CDH13: variants seen among roughly 807,000 people sequenced by gnomAD.
CDH13 encodes the protein cadherin-13.
A neutral mutation model predicts 63.8 loss-of-function variants in CDH13; 24 were observed. The observed-to-expected ratio is 0.38, with a 90% confidence interval of 0.27 to 0.53. CDH13 has a LOEUF of 0.53. CDH13 is among the 20% of genes least tolerant of loss of function. The probability of loss-of-function intolerance (pLI) is 0.85; values close to 1 mark genes in which losing one functional copy is unlikely to be tolerated. For missense variants in CDH13, 1,049 were observed against 903.1 expected (o/e 1.16, Z -2.07); for synonymous variants, 503 against 355.3 (o/e 1.42, Z -4.67).
At chr16:83,229,222 G>A (rs546255237) in intron 5 of CDH13, among the ~76,000 whole-genome samples, 1 of 152,274 alleles carries the variant, frequency 6.6e-6, no homozygotes, top group East Asian at 1.9e-4. Context: ...CATTCAAATT[G>A]TCATGAAATA....
chr16:83,672,456 T>G (rs1914591916), intron 9 of CDH13, among the ~76,000 whole-genome samples: 1 of 129,368 alleles, frequency 7.7e-6, no homozygotes, highest in Non-Finnish European at 1.6e-5. Flanking sequence ...GACAGAGTCT[T>G]GCTCTCTCAC....
chr16:82,750,072 A>G (rs1475459512), intron 1 of CDH13, among the ~76,000 whole-genome samples: 1 of 152,098 alleles, frequency 6.6e-6, no homozygotes, highest in East Asian at 1.9e-4. Context: ...GTTGCACCAA[A>G]AAGAGACTCT....
chr16:82,699,236 G>A (rs2030698421), intron 1 of CDH13, among the ~76,000 whole-genome samples: 1 of 152,096 alleles, frequency 6.6e-6, no homozygotes, highest in African/African-American at 2.4e-5. Flanking sequence ...GCTGTAGTAG[G>A]GCCAGGGAGG....
At chr16:83,709,239 C>T (rs935798221) in intron 10 of CDH13, among the ~76,000 whole-genome samples, 1 of 152,148 alleles carries the variant, frequency 6.6e-6, no homozygotes, top group African/African-American at 2.4e-5. Context: ...GCCCTGCCAA[C>T]ATCTTAATTT....
chr16:83,619,996 G>T (rs536717398), intron 8 of CDH13, among the ~76,000 whole-genome samples: 1 of 152,090 alleles, frequency 6.6e-6, no homozygotes, highest in Non-Finnish European at 1.5e-5. Flanking sequence ...GTCAGGGAGG[G>T]TGTGAGGCTG....
chr16:83,583,636 G>C (rs186433077), intron 7 of CDH13, among the ~76,000 whole-genome samples: 3 of 152,288 alleles, frequency 2.0e-5, no homozygotes, highest in African/African-American at 7.2e-5. Flanking sequence ...AGTGTGATTT[G>C]GTGGCTCACG....
At chr16:82,710,411 A>G (rs972785160) in intron 1 of CDH13, among the ~76,000 whole-genome samples, 16 of 145,784 alleles carry the variant, frequency 1.1e-4, no homozygotes, top group Admixed American at 4.8e-4. Context: ...TGGGTGCTGT[A>G]GTCCCACCTA....
chr16:83,364,412 T>G (rs2091220132), intron 6 of CDH13, among the ~76,000 whole-genome samples: 1 of 152,314 alleles, frequency 6.6e-6, no homozygotes, highest in African/African-American at 2.4e-5. Flanking sequence ...CAGCCTTGCA[T>G]TATCCCGAGA....
chr16:82,686,001 C>G lies in CDH13; in HGVS notation c.45+58864C>G, dbSNP rs2150967795. Among the ~76,000 whole-genome samples the G allele has an allele frequency of 2.0e-5, 3 of 152,222 alleles. No individual in the cohort carries two copies. In the South Asian group the frequency reaches 6.2e-4, roughly 32 times the overall value. On this transcript the variant is annotated intron_variant, in intron 1 of 13. Coordinates refer to ENST00000567109, the MANE Select transcript of CDH13 (RefSeq NM_001257.5). ...CTGATAATTAAGGTAGGAAAGAGTA[C>G]CATATTTCTCTTCTGCATTATCCCT... is the stretch of plus-strand genomic sequence containing the variant.
chr16:82,727,124 G>A (rs1324372230), intron 1 of CDH13, among the ~76,000 whole-genome samples: 1 of 152,130 alleles, frequency 6.6e-6, no homozygotes, highest in Non-Finnish European at 1.5e-5. Flanking sequence ...ATGCGCAGGT[G>A]GTATAGGGAA....
chr16:82,731,186 C>A (rs1286754122), intron 1 of CDH13, among the ~76,000 whole-genome samples: 2 of 152,130 alleles, frequency 1.3e-5, no homozygotes, highest in African/African-American at 2.4e-5. Context: ...AGTCAGCAAA[C>A]TTTTTTCTGT....
At chr16:83,475,015 C>T (rs976772011) in intron 6 of CDH13, among the ~76,000 whole-genome samples, 5 of 152,256 alleles carry the variant, frequency 3.3e-5, no homozygotes, top group African/African-American at 9.6e-5. Flanking sequence ...AGGTGACCCC[C>T]TGTGTTTCCC....
At chr16:82,983,047 A>G (rs909888559) in intron 2 of CDH13, among the ~76,000 whole-genome samples, 1 of 152,162 alleles carries the variant, frequency 6.6e-6, no homozygotes, top group East Asian at 1.9e-4. Flanking sequence ...TCTGAAGCCC[A>G]TGACAGTATT....
chr16:83,335,035 C>G (rs1309080899), intron 5 of CDH13, among the ~76,000 whole-genome samples: 1 of 152,148 alleles, frequency 6.6e-6, no homozygotes, highest in Admixed American at 6.5e-5. Context: ...CTTATCACAA[C>G]AAACATTGTA....
In CDH13 at chr16:83,583,099, G is replaced by T. The variant is rs1237373055; in HGVS notation, c.961-19355G>T. Among the ~76,000 whole-genome samples, 4 of 152,162 alleles carry T rather than the reference G, an allele frequency of 2.6e-5. No individual in the cohort carries two copies. The East Asian group carries it at 7.7e-4, about 29-fold the overall frequency. On this transcript the variant is annotated intron_variant, in intron 7 of 13. Coordinates refer to ENST00000567109, the MANE Select transcript of CDH13 (RefSeq NM_001257.5). Reference sequence around the variant, plus strand: ...CTTCTGCCAGCATCTAGAGGCCCCAGTTCCTTAGTTTCCAGCTGCAAAGCT... The same window carrying T: ...CTTCTGCCAGCATCTAGAGGCCCCATTTCCTTAGTTTCCAGCTGCAAAGCT...
intron 6 of CDH13, among the ~76,000 whole-genome samples, chr16:83,429,148 C>T (rs1306299910): frequency 6.6e-6 from 1 of 152,186 alleles, no homozygotes; most frequent in East Asian, 1.9e-4. Flanking sequence ...TCAGCTATGA[C>T]TTAAGACTTT....
In CDH13 at chr16:83,338,457, C is replaced by G. The variant is rs530706795; in HGVS notation, c.637-6405C>G. ...TATCATATCAGCTACCTGTTTGGCA[C>G]CAGGCATTGGGTCCAGGCTTCAGGA... On this transcript the variant is annotated intron_variant, in intron 5 of 13. Transcript: ENST00000567109. Among the ~76,000 whole-genome samples, 28 of 152,310 alleles carry G rather than the reference C, an allele frequency of 1.8e-4. No individual in the cohort carries two copies. The South Asian group carries it at 5.8e-3, about 32-fold the overall frequency.
chr16:83,061,364 C>G (rs1315114747), intron 3 of CDH13, among the ~76,000 whole-genome samples: 42 of 152,148 alleles, frequency 2.8e-4, no homozygotes, highest in Admixed American at 2.7e-3. Flanking sequence ...GTCCCTTACA[C>G]CATGTGAATT....
At chr16:83,713,026 A>T (rs904556944) in intron 10 of CDH13, among the ~76,000 whole-genome samples, 1 of 152,222 alleles carries the variant, frequency 6.6e-6, no homozygotes, top group African/African-American at 2.4e-5. Context: ...ATTCTGGCCA[A>T]ATATCCCTGT....
Sources: gnomAD v4.1 joint callset for allele counts (sites outside exome capture counted in the v4.1 genomes callset) on GRCh38, gnomAD v4.1.1 for gene constraint, MANE v1.5 for transcripts, NCBI Gene and HGNC (gene_info 2026-07-23, HGNC 2026-07-21) for gene names.